ZNF329: variants seen among roughly 807,000 people sequenced by gnomAD.
The protein encoded by ZNF329 is zinc finger protein 329.
Under a neutral mutation model 26.6 loss-of-function variants are expected in ZNF329, and 15 were observed. The ratio of observed to expected loss-of-function variants is 0.56; its 90% CI spans 0.38 to 0.87. The LOEUF (loss-of-function observed/expected upper bound fraction) is 0.87. Among genes scored for constraint, ZNF329 ranks in the 40% least tolerant of loss-of-function variants. The pLI is 0.00. For missense variants in ZNF329, 651 were observed against 651.9 expected (o/e 1.00, Z 0.02); for synonymous variants, 239 against 233.5 (o/e 1.02, Z -0.21).
At chr19:58,134,747 C>A (rs1223751716) in intron 3 of ZNF329, among the ~76,000 whole-genome samples, 1 of 152,008 alleles carries the variant, frequency 6.6e-6, no homozygotes, top group Non-Finnish European at 1.5e-5. Context: ...ACCAGCCTGG[C>A]CAACATGGTA....
In ZNF329 at chr19:58,129,283, A is replaced by G. The variant is rs1257865044; in HGVS notation, c.221T>C (p.Ile74Thr). Residue 74 changes from isoleucine (I) to threonine (T), a missense_variant, in exon 4 of 4, where the codon ATT becomes ACT. By Grantham distance (89) the Ile-to-Thr change is moderately conservative (BLOSUM62 -1). Transcript: ENST00000598312. The part of the protein sequence containing the change: ...CEYPGFGEHL[I>T]ASSDLPPSQR... ...AGACGGTGGAAGGTCTGAGCTTGCA[A>G]TCAAATGCTCCCCAAAACCAGGATA... 1 of 1,614,184 alleles carries G rather than the reference A, an allele frequency of 6.2e-7. No homozygotes were observed. The highest frequency in any genetic ancestry group is 1.1e-5 in the South Asian group (1 of 91,082).
intron 3 of ZNF329, among the ~76,000 whole-genome samples, chr19:58,137,732 G>A (rs187074489): frequency 6.7e-6 from 1 of 150,098 alleles, no homozygotes; most frequent in Non-Finnish European, 1.5e-5. Flanking sequence ...GGGAGGCTAA[G>A]GCAGGTGGAC....
At chr19:58,153,623 T>C (rs939087309), upstream of ZNF329, among the ~76,000 whole-genome samples, 11 of 152,192 alleles carry the variant, frequency 7.2e-5, no homozygotes, top group Non-Finnish European at 1.0e-4. Context: ...TGTTTGCCAA[T>C]CCCTGTTCAG....
chr19:58,148,772 T>C (rs1286921542), intron 1 of ZNF329, among the ~76,000 whole-genome samples: 1 of 152,230 alleles, frequency 6.6e-6, no homozygotes, highest in African/African-American at 2.4e-5. Flanking sequence ...GTATGATATC[T>C]ATAACATACT....
chr19:58,132,159 A>T (rs1391280495), intron 3 of ZNF329: 1 of 152,278 alleles, frequency 6.6e-6, no homozygotes, highest in Admixed American at 6.5e-5. Context: ...GAGTAAAAAT[A>T]AAATGAAGTA....
At chr19:58,141,018 T>G (rs1254161402) in intron 3 of ZNF329, among the ~76,000 whole-genome samples, 3 of 151,346 alleles carry the variant, frequency 2.0e-5, no homozygotes, top group African/African-American at 7.3e-5. Context: ...CCCCCATGCC[T>G]GGCTAATTTT....
At chr19:58,140,606 G>C (rs924780332) in intron 3 of ZNF329, among the ~76,000 whole-genome samples, 1 of 151,800 alleles carries the variant, frequency 6.6e-6, no homozygotes, top group East Asian at 1.9e-4. Context: ...TAGTAGAGAT[G>C]GGGTTTCACC....
At chr19:58,135,310 G>C (rs185400885) in intron 3 of ZNF329, among the ~76,000 whole-genome samples, 1 of 151,454 alleles carries the variant, frequency 6.6e-6, no homozygotes, top group African/African-American at 2.4e-5. Flanking sequence ...CACTCTTGTC[G>C]CCAAGGCTAG....
Position 58,127,579 on chromosome 19 carries a change from T to A in ZNF329, c.*299A>T, listed in dbSNP as rs1855864544. 3.2e-6 allele frequency: 1 copy of A among 313,214 alleles called. No homozygotes were observed. The highest frequency in any genetic ancestry group is 2.1e-5 in the African/African-American group (1 of 46,996). 19.4% of individuals were successfully genotyped at this position (313,214 alleles called of 1,614,324 possible). Reference sequence around the variant, plus strand: ...CATTCCAATCATGTTCTGAATGCATTCACAGGTTCTCTCTGTGGTGTCACC... The same window carrying A: ...CATTCCAATCATGTTCTGAATGCATACACAGGTTCTCTCTGTGGTGTCACC... On this transcript the variant is annotated 3_prime_UTR_variant, in exon 4 of 4. Coordinates refer to ENST00000598312, the MANE Select transcript of ZNF329 (RefSeq NM_024620.4).
intron 1 of ZNF329, among the ~76,000 whole-genome samples, chr19:58,147,822 C>T (rs922039080): frequency 1.5e-4 from 23 of 149,750 alleles, no homozygotes; most frequent in Admixed American, 2.6e-4. Context: ...AGGTGAGGGG[C>T]GCCTCTGCCC....
chr19:58,153,355 C>T (rs1044953787), upstream of ZNF329, among the ~76,000 whole-genome samples: 1 of 152,204 alleles, frequency 6.6e-6, no homozygotes, highest in Admixed American at 6.5e-5. Flanking sequence ...GGTGATCCAC[C>T]CACCTCAGCC....
At chr19:58,152,854 T>C (rs905997971), upstream of ZNF329, among the ~76,000 whole-genome samples, 1 of 150,976 alleles carries the variant, frequency 6.6e-6, no homozygotes, top group African/African-American at 2.4e-5. Flanking sequence ...TACTCTCGTC[T>C]CAAAAAAAAA....
chr19:58,129,943 C>G (rs952976887), intron 3 of ZNF329, among the ~76,000 whole-genome samples: 3 of 152,248 alleles, frequency 2.0e-5, no homozygotes, highest in Non-Finnish European at 4.4e-5. Flanking sequence ...CTCACCCCAG[C>G]TCTGTCATCA....
At chr19:58,139,052 C>G (rs747887380) in intron 3 of ZNF329, among the ~76,000 whole-genome samples, 1 of 151,988 alleles carries the variant, frequency 6.6e-6, no homozygotes, top group Non-Finnish European at 1.5e-5. Context: ...TTCAGACACA[C>G]AAAATATTCT....
chr19:58,151,863 T>C (rs1461701725), upstream of ZNF329, among the ~76,000 whole-genome samples: 2 of 152,158 alleles, frequency 1.3e-5, no homozygotes, highest in African/African-American at 4.8e-5. Context: ...CAGTTACACC[T>C]GTGATGCTTG....
chr19:58,138,492 A>G (rs532144945), intron 3 of ZNF329, among the ~76,000 whole-genome samples: 1 of 152,274 alleles, frequency 6.6e-6, no homozygotes, highest in East Asian at 1.9e-4. Flanking sequence ...AGTCAGGAGG[A>G]CCATGCTCCC....
Position 58,148,135 on chromosome 19 carries a change from G to T in ZNF329, c.-208+2617C>A, listed in dbSNP as rs149890309. The stretch of plus-strand genomic sequence containing the variant: ...TGAAACATGTGCTGTGTCCACTCAG[G>T]GTTAAATGGATTAAGGGCGGTGCAA... On this transcript the variant is annotated intron_variant, in intron 1 of 3. Coordinates refer to ENST00000598312, the MANE Select transcript of ZNF329 (RefSeq NM_024620.4). Among the ~76,000 whole-genome samples, 5 of 150,810 alleles carry T rather than the reference G, an allele frequency of 3.3e-5. No individual in the cohort carries two copies. The South Asian group carries it at 6.3e-4, about 19-fold the overall frequency.
At chr19:58,134,480 T>A (rs947884768) in intron 3 of ZNF329, among the ~76,000 whole-genome samples, 1 of 152,210 alleles carries the variant, frequency 6.6e-6, no homozygotes, top group Non-Finnish European at 1.5e-5. Flanking sequence ...TTAAAAAACA[T>A]GTTTGTAACA....
intron 1 of ZNF329, among the ~76,000 whole-genome samples, chr19:58,147,185 C>T (rs1204675530): frequency 4.8e-5 from 7 of 147,126 alleles, no homozygotes; most frequent in Non-Finnish European, 1.0e-4. Context: ...ATGTGAGGAG[C>T]GCCTCTGCCC....
Sources: allele counts gnomAD v4.1 joint callset (sites outside exome capture counted in the v4.1 genomes callset), GRCh38; gene constraint gnomAD v4.1.1; transcripts MANE v1.5; gene names NCBI Gene and HGNC (gene_info 2026-07-23, HGNC 2026-07-21).